The following CPAP variants were observed in gnomAD, a reference collection of about 807,000 sequenced individuals.
The protein encoded by CPAP is centrosomal P4.1-associated protein.
the CPAP span, chr13:24,886,057 T>TATAA: frequency 3.1e-4 from 114 of 364,030 alleles, no homozygotes; most frequent in Non-Finnish European, 5.3e-4. Context: ...GTGGCTATGG[T>TATAA]ATAAACTTTT....
the CPAP span, among the ~76,000 whole-genome samples, chr13:24,916,370 T>C: frequency 6.6e-6 from 1 of 152,270 alleles, no homozygotes; most frequent in East Asian, 1.9e-4. Context: ...ACGTATGTCA[T>C]TTCATACTCG....
chr13:24,897,937 C>T, the CPAP span, among the ~76,000 whole-genome samples: 1 of 152,178 alleles, frequency 6.6e-6, no homozygotes, highest in Non-Finnish European at 1.5e-5. Context: ...ACTCTGTCAC[C>T]CAGGCTGGAG....
the CPAP span, among the ~76,000 whole-genome samples, chr13:24,899,197 AG>A: frequency 1.3e-5 from 2 of 152,206 alleles, no homozygotes; most frequent in Admixed American, 1.3e-4. Context: ...GGTCTTTTCT[AG>A]GAAGACTTTA....
the CPAP span, among the ~76,000 whole-genome samples, chr13:24,916,797 T>C: frequency 6.6e-6 from 1 of 152,210 alleles, no homozygotes; most frequent in African/African-American, 2.4e-5. Flanking sequence ...AAATGTCCAT[T>C]AACAGGAGAT....
At chr13:24,883,056 T>C in the CPAP span, 1 of 911,448 alleles carries the variant, frequency 1.1e-6, no homozygotes, top group Non-Finnish European at 1.8e-6. Context: ...GGGTAAACTT[T>C]TATTTTAGAA....
the CPAP span, chr13:24,910,123 C>T: frequency 1.3e-6 from 2 of 1,595,738 alleles, no homozygotes; most frequent in South Asian, 2.2e-5. Flanking sequence ...TGATGACTTC[C>T]TTCAACATTT....
At chr13:24,913,193 T>C in the CPAP span, 1 of 612,876 alleles carries the variant, frequency 1.6e-6, no homozygotes, top group Non-Finnish European at 2.9e-6. Flanking sequence ...GTCCTCAATA[T>C]TTCATATACA....
chr13:24,903,997 T>C, the CPAP span: 4 of 1,613,994 alleles, frequency 2.5e-6, no homozygotes, highest in Admixed American at 1.7e-5. Context: ...CTTTAAACTT[T>C]TCTATTTCTG....
chr13:24,901,827 A>C, the CPAP span, among the ~76,000 whole-genome samples: 1 of 152,172 alleles, frequency 6.6e-6, no homozygotes, highest in East Asian at 1.9e-4. Flanking sequence ...CCCCGTATCT[A>C]CCAAAAATAC....
the CPAP span, chr13:24,892,649 C>T: frequency 6.2e-7 from 1 of 1,613,984 alleles, no homozygotes; most frequent in Non-Finnish European, 8.5e-7. Flanking sequence ...CTACCGCAAG[C>T]TTGTCCTTCT....
chr13:24,909,959 G>A, the CPAP span: 8 of 1,614,074 alleles, frequency 5.0e-6, no homozygotes, highest in African/African-American at 1.1e-4. Flanking sequence ...TGTTGGACGG[G>A]TATGTTTCTT....
At chr13:24,885,484 C>T in the CPAP span, 1 of 1,181,448 alleles carries the variant, frequency 8.5e-7, no homozygotes, top group Non-Finnish European at 1.3e-6. Flanking sequence ...CAAAATATAA[C>T]ATTTATAATG....
At chr13:24,885,237 T>A in the CPAP span, 1 of 1,349,662 alleles carries the variant, frequency 7.4e-7, no homozygotes, top group Non-Finnish European at 1.1e-6. Flanking sequence ...CCCATGTTTA[T>A]TTTTTATAGA....
chr13:24,923,899 G>T, the CPAP span, among the ~76,000 whole-genome samples: 3 of 151,926 alleles, frequency 2.0e-5, no homozygotes, highest in Admixed American at 2.0e-4. Flanking sequence ...CGCGATCTCC[G>T]CTCACTGCAA....
At chr13:24,885,536 A>C in the CPAP span, 1 of 1,287,964 alleles carries the variant, frequency 7.8e-7, no homozygotes, top group Non-Finnish European at 1.1e-6. Flanking sequence ...AGAAACGTTA[A>C]GTCTATTAAC....
the CPAP span, chr13:24,910,234 T>C: frequency 1.3e-6 from 1 of 799,644 alleles, no homozygotes; most frequent in Admixed American, 2.0e-5. Flanking sequence ...AACAAAACCA[T>C]TGATTGTTTG....
chr13:24,912,619 C>A, the CPAP span: 3 of 1,613,700 alleles, frequency 1.9e-6, no homozygotes, highest in Non-Finnish European at 8.5e-7. Context: ...TTTATAAGCC[C>A]CTTCTTTGAA....
chr13:24,920,854 T>C, the CPAP span, among the ~76,000 whole-genome samples: 51 of 151,644 alleles, frequency 3.4e-4, 1 homozygote, highest in East Asian at 1.0e-2. Context: ...CTCAAACTCC[T>C]GACCTCAAGT....
At chr13:24,885,445 C>CTGAT in the CPAP span, 1 of 1,289,720 alleles carries the variant, frequency 7.8e-7, no homozygotes, top group Non-Finnish European at 1.1e-6. Flanking sequence ...AAGCCAGATT[C>CTGAT]TGATATAGGG....
Sources: gnomAD v4.1 joint callset for allele counts (sites outside exome capture counted in the v4.1 genomes callset) on GRCh38, gnomAD v4.1.1 for gene constraint, MANE v1.5 for transcripts, NCBI Gene and HGNC (gene_info 2026-07-23, HGNC 2026-07-21) for gene names.